STRIP1: variants seen among roughly 807,000 people sequenced by gnomAD.
STRIP1 encodes the protein striatin-interacting protein 1.
A neutral mutation model predicts 106.2 loss-of-function variants in STRIP1; 63 were observed. That is an observed-to-expected ratio of 0.59 (90% CI 0.48 to 0.73). The LOEUF is 0.73. Ranked by LOEUF, STRIP1 falls within the 30% of genes least tolerant of loss-of-function variation. STRIP1 has a pLI of 0.00. For synonymous variants in STRIP1, 390 were observed against 413.0 expected (o/e 0.94, Z 0.67); for missense variants, 857 against 1,074.8 (o/e 0.80, Z 2.83).
At chr1:110,046,002 T>G (rs189179639) in intron 12 of STRIP1, among the ~76,000 whole-genome samples, 1 of 152,280 alleles carries the variant, frequency 6.6e-6, no homozygotes, top group East Asian at 1.9e-4. Flanking sequence ...GTGAAACTGT[T>G]TTTATGTTTT....
At chr1:110,043,592 C>T (rs1229076267) in intron 9 of STRIP1, 47 bp from the exon 10 acceptor site, 4 of 1,533,316 alleles carry the variant, frequency 2.6e-6, no homozygotes, top group Non-Finnish European at 3.6e-6. Flanking sequence ...CTTCCCTGGT[C>T]TGCGTCCTCA....
At chr1:110,037,179 C>G (rs1273879134) in intron 1 of STRIP1, among the ~76,000 whole-genome samples, 1 of 152,140 alleles carries the variant, frequency 6.6e-6, no homozygotes, top group Non-Finnish European at 1.5e-5. Flanking sequence ...TTTGTCTTCC[C>G]AGGTAGACTG....
In STRIP1 at chr1:110,036,460, A is replaced by G. The variant is rs139098824; in HGVS notation, c.181-1431A>G. On this transcript the variant is annotated intron_variant, in intron 1 of 20. Transcript: ENST00000369795. ...CAAGAGCGAAACTCTCCCCGTCTCA[A>G]AAAAAAAAATTTCCTCATAGACTCA... is the stretch of plus-strand genomic sequence containing the variant. 4.0e-5 allele frequency among the ~76,000 whole-genome samples: 6 copies of G among 151,506 alleles called. No homozygotes were observed. In the East Asian group the frequency reaches 1.2e-3, roughly 29 times the overall value.
chr1:110,043,235 GAGC>G lies in STRIP1; in HGVS notation c.1042_1044del (p.Gln348del). Reference sequence around the variant, plus strand: ...ACCAGCATCTGCTTCAGACTTGATTGAGCAGCAGCAGAAACGGGGCCGCCGAGA... The same window carrying G: ...ACCAGCATCTGCTTCAGACTTGATTGAGCAGCAGAAACGGGGCCGCCGAGA... On this transcript the variant is annotated inframe_deletion, in exon 9 of 21. Transcript: ENST00000369795. 6.2e-7 allele frequency: 1 copy of G among 1,613,318 alleles called. No homozygotes were observed.
At chr1:110,047,425 C>G in intron 13 of STRIP1, 117 bp from the exon 14 acceptor site, 5 of 747,852 alleles carry the variant, frequency 6.7e-6, no homozygotes, top group South Asian at 6.5e-5. Flanking sequence ...CTGTTATCAT[C>G]ATTAACATCA....
At position 110,045,020 on chromosome 1, in the gene STRIP1, C is replaced by G. The variant is rs527621579; in HGVS notation, c.1358C>G (p.Thr453Arg). 1.2e-6 allele frequency: 2 copies of G among 1,613,990 alleles called. No individual in the cohort carries two copies. The highest frequency in any genetic ancestry group is 2.7e-5 in the African/African-American group (2 of 74,904). ...GGGCCTTCTTTATTCTCCAGTGACA[C>G]GAACACAGTGGTGGGGCTGCCCAGG... ...KFIGYTLGSD[T>R]NTVVGLPRPI... Residue 453 changes from threonine (T) to arginine (R), a missense_variant, in exon 12 of 21, where the codon ACG (threonine) becomes AGG (arginine). Transcript: ENST00000369795.
chr1:110,054,460 A>C lies in STRIP1; in HGVS notation c.*548A>C, dbSNP rs575288394. The C allele has an allele frequency of 7.8e-5, 12 of 154,100 alleles. No individual in the cohort carries two copies. The highest frequency in any genetic ancestry group is 2.9e-4 in the African/African-American group (12 of 41,548). 9.5% of individuals were successfully genotyped at this position (154,100 alleles called of 1,614,324 possible). ...CGGAGGCTCCTTCAGCTGCCTCAGCACTTTGATTTTGGACAGGGACAAGGT... is the reference window on the plus strand; with the variant it reads ...CGGAGGCTCCTTCAGCTGCCTCAGCCCTTTGATTTTGGACAGGGACAAGGT... On this transcript the variant is annotated 3_prime_UTR_variant, in exon 21 of 21. Coordinates refer to ENST00000369795, the MANE Select transcript of STRIP1 (RefSeq NM_033088.4).
rs111765929 is a variant in STRIP1, at chr1:110,053,653, G to T, written c.2267-12G>T. On this transcript the variant is annotated splice_polypyrimidine_tract_variant and intron_variant, in intron 20 of 20. Coordinates refer to ENST00000369795, the MANE Select transcript of STRIP1 (RefSeq NM_033088.4). ...ATGGCTCCTAACGGTGTTTCTTCCT[G>T]CTTTGTCTCAGATCTTGATGCCCGG... 1.9e-6 allele frequency: 3 copies of T among 1,613,572 alleles called. No individual in the cohort carries two copies. The highest frequency in any genetic ancestry group is 2.5e-6 in the Non-Finnish European group (3 of 1,179,550).
At chr1:110,035,284 G>GC (rs1304146587) in intron 1 of STRIP1, among the ~76,000 whole-genome samples, 2 of 152,324 alleles carry the variant, frequency 1.3e-5, no homozygotes, top group Non-Finnish European at 2.9e-5. Context: ...CAGGGAAGGC[G>GC]CCGGCGAGGA....
At chr1:110,050,253 G>A in intron 17 of STRIP1, 90 bp from the exon 18 acceptor site, 2 of 1,278,828 alleles carry the variant, frequency 1.6e-6, no homozygotes, top group Non-Finnish European at 2.3e-6. Flanking sequence ...AAGTGAGGGA[G>A]GAAAGCTGGG....
intron 20 of STRIP1, among the ~76,000 whole-genome samples, chr1:110,052,169 C>T (rs1418802746): frequency 6.6e-6 from 1 of 152,196 alleles, no homozygotes; most frequent in Non-Finnish European, 1.5e-5. Flanking sequence ...CTCTTTTCAT[C>T]CCCATTTTGG....
Position 110,038,673 on chromosome 1 carries a change from G to T in STRIP1, c.251-10G>T, listed in dbSNP as rs748752813. On this transcript the variant is annotated splice_polypyrimidine_tract_variant and intron_variant, in intron 2 of 20. Coordinates refer to ENST00000369795, the MANE Select transcript of STRIP1 (RefSeq NM_033088.4). ...ATGGAACCAATGGTGACGAGACTTT[G>T]TTCTGACAGAGCTTTACAGCTACAC... 1 of 1,613,726 alleles carries T rather than the reference G, an allele frequency of 6.2e-7. No homozygotes were observed. The highest frequency in any genetic ancestry group is 1.3e-5 in the African/African-American group (1 of 75,048).
At chr1:110,034,917 C>A in intron 1 of STRIP1, 100 bp downstream of exon 1, 1 of 1,185,344 alleles carries the variant, frequency 8.4e-7, no homozygotes, top group Non-Finnish European at 1.1e-6. Flanking sequence ...TCCCGGAGGG[C>A]TCGGTAGAGT....
chr1:110,052,693 T>C (rs906782804), intron 20 of STRIP1, among the ~76,000 whole-genome samples: 8 of 151,854 alleles, frequency 5.3e-5, no homozygotes, highest in African/African-American at 1.7e-4. Flanking sequence ...TGGCCTCGAG[T>C]TCCTGGCCTC....
At chr1:110,035,336 A>G (rs1652397444) in intron 1 of STRIP1, among the ~76,000 whole-genome samples, 2 of 152,180 alleles carry the variant, frequency 1.3e-5, no homozygotes, top group African/African-American at 2.4e-5. Context: ...ATTATCATTG[A>G]GAGTAGAGTA....
intron 2 of STRIP1, 51 bp downstream of exon 2, chr1:110,038,011 C>T: frequency 8.5e-7 from 1 of 1,172,368 alleles, no homozygotes; most frequent in Non-Finnish European, 1.2e-6. Flanking sequence ...CCTTATTGGT[C>T]TTTAATAAAA....
chr1:110,043,452 CGTG>C (rs946426053), intron 9 of STRIP1, among the ~76,000 whole-genome samples, 182 bp downstream of exon 9: 3 of 152,224 alleles, frequency 2.0e-5, no homozygotes, highest in African/African-American at 7.2e-5. Context: ...GTGCTCAGCA[CGTG>C]GTGCTTTTGA....
Position 110,038,680 on chromosome 1 carries a change from CAG to C in STRIP1, c.251_252del. On this transcript the variant is annotated splice_acceptor_variant, in intron 2 of 20. Coordinates refer to ENST00000369795, the MANE Select transcript of STRIP1 (RefSeq NM_033088.4). LOFTEE classifies it high-confidence loss of function. ...CAATGGTGACGAGACTTTGTTCTGA[CAG>C]AGCTTTACAGCTACACGGAAGGGCC... 1 of 1,613,602 alleles carries C rather than the reference CAG, an allele frequency of 6.2e-7. No homozygotes were observed. The highest frequency in any genetic ancestry group is 8.5e-7 in the Non-Finnish European group (1 of 1,179,556).
chr1:110,044,258 T>C (rs1652913107), intron 10 of STRIP1, among the ~76,000 whole-genome samples: 1 of 152,226 alleles, frequency 6.6e-6, no homozygotes, highest in Admixed American at 6.5e-5. Flanking sequence ...TTGAGATATA[T>C]GTGGGTAAAT....
Sources: gnomAD v4.1 joint callset for allele counts (sites outside exome capture counted in the v4.1 genomes callset) on GRCh38, gnomAD v4.1.1 for gene constraint, MANE v1.5 for transcripts, NCBI Gene and HGNC (gene_info 2026-07-23, HGNC 2026-07-21) for gene names.